CFAP58: variants seen among roughly 807,000 people sequenced by gnomAD.
CFAP58 encodes cilia and flagella associated protein 58.
CFAP58 carries 88 observed loss-of-function variants against 119.5 expected under a neutral mutation model. That is an observed-to-expected ratio of 0.74 (90% CI 0.62 to 0.88). The LOEUF is 0.88. CFAP58 is among the 40% of genes least tolerant of loss of function. The probability of loss-of-function intolerance (pLI) is 0.00; values close to 1 mark genes in which losing one functional copy is unlikely to be tolerated. For synonymous variants in CFAP58, 365 were observed against 366.3 expected, an observed-to-expected ratio of 1.00 and a Z score of 0.04; for missense variants, 990 against 1,021.2, an observed-to-expected ratio of 0.97 and a Z score of 0.42.
chr10:104,440,811 C>T (rs1399306531), intron 15 of CFAP58, among the ~76,000 whole-genome samples: 1 of 152,148 alleles, frequency 6.6e-6, no homozygotes. Context: ...TACTTCTTCT[C>T]CCACCAAGAT....
chr10:104,350,760 T>C (rs187453164), upstream of CFAP58, among the ~76,000 whole-genome samples: 2 of 152,328 alleles, frequency 1.3e-5, no homozygotes, highest in East Asian at 1.9e-4. Context: ...CTAATACAGA[T>C]TGTGAATGCA....
rs539696106 is a variant in CFAP58, at chr10:104,402,592, C to A, written c.2040-1137C>A. On this transcript the variant is annotated intron_variant, in intron 13 of 17. Transcript: ENST00000369704. ...TCTCATTCGATAGGGCGACAGCCAG[C>A]TCGCAACACTGAGGATGGCTGTCAC... is the stretch of plus-strand genomic sequence containing the variant. Among the ~76,000 whole-genome samples, 55 of 152,306 alleles carry A rather than the reference C, an allele frequency of 3.6e-4. 1 individual carries two copies. The highest frequency in any genetic ancestry group is 1.3e-3 in the African/African-American group (52 of 41,564).
At chr10:104,357,888 TAA>T (rs1168437776) in intron 1 of CFAP58, among the ~76,000 whole-genome samples, 2,458 of 127,540 alleles carry the variant, frequency 0.019, 85 homozygotes, top group Non-Finnish European at 0.026. Flanking sequence ...TACACATATA[TAA>T]ACATATATGT....
At chr10:104,401,793 G>T (rs1255012988) in intron 13 of CFAP58, among the ~76,000 whole-genome samples, 1 of 151,580 alleles carries the variant, frequency 6.6e-6, no homozygotes, top group Non-Finnish European at 1.5e-5. Context: ...TTGTATTTCA[G>T]ATGACGAAAG....
chr10:104,357,929 A>G (rs913665143), intron 1 of CFAP58, among the ~76,000 whole-genome samples: 5 of 119,536 alleles, frequency 4.2e-5, no homozygotes, highest in East Asian at 4.6e-4. Context: ...ATGTACACAT[A>G]TACACACATA....
intron 15 of CFAP58, among the ~76,000 whole-genome samples, chr10:104,425,074 A>T (rs1482102336): frequency 2.0e-5 from 3 of 152,194 alleles, no homozygotes; most frequent in Admixed American, 6.5e-5. Flanking sequence ...CCTGATTCAC[A>T]GGGTTGCTGT....
intron 13 of CFAP58, among the ~76,000 whole-genome samples, chr10:104,401,538 T>G (rs1012191822): frequency 6.6e-6 from 1 of 152,238 alleles, no homozygotes; most frequent in Admixed American, 6.5e-5. Context: ...TATAGGCAAT[T>G]GCAGGAAACC....
rs200229673 is a variant in CFAP58 at position 104,395,695 on chromosome 10, AG to A, written c.1674+2221del. On this transcript the variant is annotated intron_variant, in intron 11 of 17. Coordinates refer to ENST00000369704, the MANE Select transcript of CFAP58 (RefSeq NM_001008723.2). ...AGGTCCCTGGATTTCATGCATCTGA[AG>A]TCTGCCAACCAAAACCCTGAGGGAA... is the stretch of plus-strand genomic sequence containing the variant. 3.7e-3 allele frequency among the ~76,000 whole-genome samples: 568 copies of A among 152,324 alleles called. 1 individual carries two copies. The highest frequency in any genetic ancestry group is 0.013 in the African/African-American group (542 of 41,586).
chr10:104,384,718 T>C lies in CFAP58; in HGVS notation c.1365+4498T>C, dbSNP rs538072067. Among the ~76,000 whole-genome samples the C allele has an allele frequency of 3.3e-5, 5 of 152,362 alleles. No individual in the cohort carries two copies. The South Asian group carries it at 1.0e-3, about 32-fold the overall frequency. ...TCAAAGATTGTAAGTACATAAAACC[T>C]GGTGCCAAGTTTCCCCTTGTGGGAG... On this transcript the variant is annotated intron_variant, in intron 9 of 17. Transcript: ENST00000369704.
chr10:104,403,735 G>A lies in CFAP58; in HGVS notation c.2046G>A (p.Glu682=). The A allele has an allele frequency of 6.2e-7, 1 of 1,608,218 alleles. No individual in the cohort carries two copies. Among genetic ancestry groups the A allele is most frequent in the South Asian group, 1.1e-5 (1 of 89,996 alleles). The stretch of plus-strand genomic sequence containing the variant: ...TCAAGTTTGTCTTATTCAGACAGGA[G>A]TTTTTTCACATGCAAAGAGAATTGT... ...SMANVEELRQ[E]FFHMQRELLK... The change falls in exon 14 of 18, where the codon GAG becomes GAA. Residue 682 remains glutamate (E), a synonymous_variant. Coordinates refer to ENST00000369704, the MANE Select transcript of CFAP58 (RefSeq NM_001008723.2).
At chr10:104,391,712 A>G (rs2012047940) in intron 9 of CFAP58, among the ~76,000 whole-genome samples, 1 of 152,170 alleles carries the variant, frequency 6.6e-6, no homozygotes, top group African/African-American at 2.4e-5. Flanking sequence ...ATGCATTTTT[A>G]CGGAGTGCTT....
intron 16 of CFAP58, among the ~76,000 whole-genome samples, chr10:104,448,261 C>T (rs988957621): frequency 7.2e-5 from 11 of 152,202 alleles, no homozygotes; most frequent in Non-Finnish European, 1.5e-4. Flanking sequence ...AGAAGTCCAG[C>T]CACTGCCCAG....
Position 104,392,355 on chromosome 10 carries a change from A to T in CFAP58, c.1488A>T (p.Ser496=). 1 of 1,608,072 alleles carries T rather than the reference A, an allele frequency of 6.2e-7. No individual in the cohort carries two copies. The highest frequency in any genetic ancestry group is 8.5e-7 in the Non-Finnish European group (1 of 1,177,700). ...QQQNLYEAVR[S]DRNLYSKNLV... is the part of the protein sequence containing the mutation. ...AGAACCTATATGAAGCTGTGAGATCAGACAGAAATCTGTATAGCAAAAATC... is the reference window on the plus strand; with the variant it reads ...AGAACCTATATGAAGCTGTGAGATCTGACAGAAATCTGTATAGCAAAAATC... Residue 496 remains serine, a synonymous_variant, in exon 10 of 18, where the codon TCA becomes TCT. Transcript: ENST00000369704.
chr10:104,419,561 CCTT>C (rs938455303), intron 15 of CFAP58, among the ~76,000 whole-genome samples: 4 of 149,972 alleles, frequency 2.7e-5, no homozygotes, highest in Non-Finnish European at 4.4e-5. Context: ...TTATCTGTGT[CCTT>C]TTTTTTTTTT....
At chr10:104,363,364 C>G (rs1460096000) in intron 3 of CFAP58, among the ~76,000 whole-genome samples, 2 of 152,184 alleles carry the variant, frequency 1.3e-5, no homozygotes, top group Non-Finnish European at 2.9e-5. Flanking sequence ...GGAAATTAAC[C>G]AAATCTAATT....
At chr10:104,405,478 T>C (rs2012343430) in intron 14 of CFAP58, among the ~76,000 whole-genome samples, 1 of 152,240 alleles carries the variant, frequency 6.6e-6, no homozygotes, top group African/African-American at 2.4e-5. Context: ...ATAGAGACTC[T>C]GGGAGGCAGT....
At chr10:104,444,010 G>C (rs2013077314) in intron 15 of CFAP58, among the ~76,000 whole-genome samples, 2 of 152,214 alleles carry the variant, frequency 1.3e-5, no homozygotes, top group African/African-American at 4.8e-5. Flanking sequence ...TCTAGGAAGA[G>C]GCTATCATTT....
At chr10:104,416,732 G>A (rs1368521527) in intron 15 of CFAP58, among the ~76,000 whole-genome samples, 6 of 152,156 alleles carry the variant, frequency 3.9e-5, no homozygotes, top group African/African-American at 9.7e-5. Context: ...AACCCCAGAA[G>A]AGCACACCAG....
intron 1 of CFAP58, 139 bp downstream of exon 1, chr10:104,354,045 G>T: frequency 1.8e-6 from 2 of 1,082,070 alleles, no homozygotes. Flanking sequence ...ACTCACTCCC[G>T]CGCCTTTCTC....
Sources: allele counts gnomAD v4.1 joint callset (sites outside exome capture counted in the v4.1 genomes callset), GRCh38; gene constraint gnomAD v4.1.1; transcripts MANE v1.5; gene names NCBI Gene and HGNC (gene_info 2026-07-23, HGNC 2026-07-21).